Variants in APOD observed in about 807,000 individuals in gnomAD.
The protein encoded by APOD is apo-D.
APOD carries 22 observed loss-of-function variants against 20.4 expected under a neutral mutation model. The ratio of observed to expected loss-of-function variants is 1.08; its 90% CI spans 0.77 to 1.54. The LOEUF (loss-of-function observed/expected upper bound fraction) is 1.54, where lower values mean the gene tolerates loss of function less well. Among genes scored for constraint, APOD ranks in the 40% most tolerant of loss-of-function variants. The pLI is 0.00. For synonymous variants in APOD, 97 were observed against 92.4 expected (o/e 1.05, Z -0.29); for missense variants, 223 against 229.6 (o/e 0.97, Z 0.19).
chr3:195,574,480 T>G (rs1037090870), intron 2 of APOD, among the ~76,000 whole-genome samples: 8 of 152,126 alleles, frequency 5.3e-5, no homozygotes, highest in African/African-American at 1.9e-4. Flanking sequence ...AGACTTCAGG[T>G]GTATACAGTT....
At chr3:195,580,910 A>G (rs1005872353) in intron 1 of APOD, among the ~76,000 whole-genome samples, 4 of 151,798 alleles carry the variant, frequency 2.6e-5, no homozygotes, top group Non-Finnish European at 5.9e-5. Context: ...TCCTTCACTG[A>G]CTCGCTGTCA....
chr3:195,573,793 C>T, intron 3 of APOD, 57 bp downstream of exon 3: 2 of 1,592,052 alleles, frequency 1.3e-6, no homozygotes, highest in East Asian at 4.5e-5. Flanking sequence ...GCCGGACACC[C>T]AGTCACTCTG....
chr3:195,572,213 G>T (rs900930044), intron 3 of APOD, among the ~76,000 whole-genome samples: 1 of 152,172 alleles, frequency 6.6e-6, no homozygotes. Context: ...ATGTGACATC[G>T]CCTGTCCCAT....
intron 2 of APOD, among the ~76,000 whole-genome samples, chr3:195,575,749 T>A (rs1287440005): frequency 6.6e-6 from 1 of 152,166 alleles, no homozygotes; most frequent in Non-Finnish European, 1.5e-5. Flanking sequence ...TGCTTCAGCC[T>A]CCCGAGTAGC....
At chr3:195,569,741 C>T (rs997896840) in intron 4 of APOD, among the ~76,000 whole-genome samples, 1 of 150,320 alleles carries the variant, frequency 6.7e-6, no homozygotes, top group African/African-American at 2.4e-5. Flanking sequence ...TCTTCATGTA[C>T]ACTCCCAGGC....
intron 1 of APOD, 95 bp downstream of exon 1, chr3:195,583,783 T>C (rs1246897745): frequency 6.6e-6 from 1 of 152,232 alleles, no homozygotes; most frequent in African/African-American, 2.4e-5. Flanking sequence ...TCAGTGGTAG[T>C]TATATGTAGC....
At chr3:195,577,546 T>C (rs1459632281) in intron 2 of APOD, among the ~76,000 whole-genome samples, 1 of 152,152 alleles carries the variant, frequency 6.6e-6, no homozygotes, top group Admixed American at 6.5e-5. Flanking sequence ...GGAGGACACA[T>C]GTGTTCTTAT....
At chr3:195,580,484 A>C (rs1230579984) in intron 1 of APOD, among the ~76,000 whole-genome samples, 3 of 151,756 alleles carry the variant, frequency 2.0e-5, no homozygotes, top group African/African-American at 7.3e-5. Flanking sequence ...GGCTCACTGC[A>C]ACCTCTGTCT....
chr3:195,579,291 C>T lies in APOD; in HGVS notation c.123+48G>A, dbSNP rs543234548. The T allele has an allele frequency of 2.5e-6, 4 of 1,611,312 alleles. No individual in the cohort carries two copies. The Admixed American group carries it at 5.0e-5, about 20-fold the overall frequency. On this transcript the variant is annotated intron_variant, in intron 2 of 4. Coordinates refer to ENST00000343267, the MANE Select transcript of APOD (RefSeq NM_001647.4). The stretch of plus-strand genomic sequence containing the variant: ...TAATTACATTGAACCTTGTAGAACG[C>T]TTATTCACAGCGGAGGCAGCAAAAC...
chr3:195,570,322 A>G (rs1720138300), intron 4 of APOD, among the ~76,000 whole-genome samples: 1 of 152,218 alleles, frequency 6.6e-6, no homozygotes, highest in Non-Finnish European at 1.5e-5. Flanking sequence ...TGATAAAAAT[A>G]ACAAGAGAAA....
In APOD at chr3:195,568,831, T is replaced by TGG. The variant is rs1553889293; in HGVS notation, c.*67_*68dup. ...GTCGTGGTTGATTGGTTTGTCTTTATGGGGGGGGGGTAGGGGAAAGCGAAG... is the reference window on the plus strand; with the variant it reads ...GTCGTGGTTGATTGGTTTGTCTTTATGGGGGGGGGGGGTAGGGGAAAGCGAAG... On this transcript the variant is annotated 3_prime_UTR_variant, in exon 5 of 5. Coordinates refer to ENST00000343267, the MANE Select transcript of APOD (RefSeq NM_001647.4). The TGG allele has an allele frequency of 4.4e-4, 396 of 898,402 alleles. 3 individuals are homozygous for TGG. In the African/African-American group the frequency reaches 5.3e-3, roughly 12 times the overall value. The allele number at this position is 898,402 out of a possible 1,614,324, so 55.7% of individuals were successfully genotyped here.
chr3:195,580,951 G>A (rs1036270601), intron 1 of APOD, among the ~76,000 whole-genome samples: 2 of 152,190 alleles, frequency 1.3e-5, no homozygotes, highest in African/African-American at 4.8e-5. Flanking sequence ...CTCCTTGCCT[G>A]TAGCTTGCAC....
At chr3:195,569,372 C>CAG (rs904461151) in intron 4 of APOD, among the ~76,000 whole-genome samples, 1 of 152,094 alleles carries the variant, frequency 6.6e-6, no homozygotes, top group African/African-American at 2.4e-5. Context: ...CTCACTCACC[C>CAG]AGAGAGAGAG....
At chr3:195,578,815 A>G (rs1720288602) in intron 2 of APOD, among the ~76,000 whole-genome samples, 1 of 152,110 alleles carries the variant, frequency 6.6e-6, no homozygotes, top group Admixed American at 6.5e-5. Flanking sequence ...GAACAAGGAT[A>G]ATAGCTCTGT....
chr3:195,569,894 G>A (rs550631365), intron 4 of APOD, among the ~76,000 whole-genome samples: 62 of 146,852 alleles, frequency 4.2e-4, no homozygotes, highest in African/African-American at 1.6e-3. Flanking sequence ...CCACCTCCTG[G>A]GTTCAAGCGA....
Position 195,569,098 on chromosome 3 carries a change from G to A in APOD, c.372C>T (p.Asp124=). ...PSAPYWILAT[D]YENYALVYSC... is the part of the protein sequence containing the mutation. ...AATACACGAGGGCATAGTTCTCATAGTCGGTGGCCAGGATCCAGTACGGTG... is the reference window on the plus strand; with the variant it reads ...AATACACGAGGGCATAGTTCTCATAATCGGTGGCCAGGATCCAGTACGGTG... Residue 124 remains aspartate, a synonymous_variant, in exon 5 of 5, where the codon GAC becomes GAT. Transcript: ENST00000343267. 1 of 1,614,198 alleles carries A rather than the reference G, an allele frequency of 6.2e-7. No homozygotes were observed. Among genetic ancestry groups the A allele is most frequent in the Non-Finnish European group, 8.5e-7 (1 of 1,180,036 alleles).
chr3:195,581,636 C>T (rs1720340120), intron 1 of APOD, among the ~76,000 whole-genome samples: 1 of 152,166 alleles, frequency 6.6e-6, no homozygotes, highest in Admixed American at 6.5e-5. Context: ...TGCAGCACCC[C>T]GAATCTGCTT....
chr3:195,579,367 G>A lies in APOD; in HGVS notation c.95C>T (p.Pro32Leu), dbSNP rs757719233. 7 of 1,614,108 alleles carry A rather than the reference G, an allele frequency of 4.3e-6. No individual in the cohort carries two copies. In the Admixed American group the frequency reaches 8.3e-5, roughly 19 times the overall value. Residue 32 changes from proline to leucine, a missense_variant, in exon 2 of 5, where the codon CCG (proline) becomes CTG (leucine). Physicochemically the swap from Pro to Leu is moderately conservative, Grantham distance 98 (BLOSUM62 -3). Coordinates refer to ENST00000343267, the MANE Select transcript of APOD (RefSeq NM_001647.4). ...ATTCACGTCAAAATTCTCCTGCACC[G>A]GAGGATTGGGGCACTTCCCAAGATG... ...AFHLGKCPNP[P>L]VQENFDVNKY...
chr3:195,581,277 T>C (rs1720335056), intron 1 of APOD, among the ~76,000 whole-genome samples: 1 of 152,172 alleles, frequency 6.6e-6, no homozygotes, highest in Non-Finnish European at 1.5e-5. Flanking sequence ...CTTTCCCTGG[T>C]CTCTGAGGTT....
Sources: gnomAD v4.1 joint callset for allele counts (sites outside exome capture counted in the v4.1 genomes callset) on GRCh38, gnomAD v4.1.1 for gene constraint, MANE v1.5 for transcripts, NCBI Gene and HGNC (gene_info 2026-07-23, HGNC 2026-07-21) for gene names.